CORO6: variants seen among roughly 807,000 people sequenced by gnomAD.
CORO6 encodes coronin 6.
Under a neutral mutation model 49.0 loss-of-function variants are expected in CORO6, and 43 were observed. The ratio of observed to expected loss-of-function variants is 0.88; its 90% CI spans 0.69 to 1.13. CORO6 has a LOEUF of 1.13. CORO6 is among the 50% of genes most tolerant of loss of function. The pLI is 0.00. For synonymous variants in CORO6, 233 were observed against 256.5 expected (o/e 0.91, Z 0.88); for missense variants, 650 against 647.0 (o/e 1.00, Z -0.05).
chr17:29,621,140 G>A lies in CORO6; in HGVS notation c.198+84C>T. On this transcript the variant is annotated intron_variant, in intron 2 of 10. Transcript: ENST00000388767. The surrounding 1 kb of genome is among the most constrained non-coding windows in gnomAD (Gnocchi z 4.2). ...AGATGCTTCTCCTGACTATGGAATG[G>A]AACTAGGTGAGAACAAAGGCTCAGG... is the stretch of plus-strand genomic sequence containing the variant. 5.9e-6 allele frequency: 9 copies of A among 1,526,630 alleles called. No individual in the cohort carries two copies. Among genetic ancestry groups the A allele is most frequent in the Non-Finnish European group, 7.2e-6 (8 of 1,116,748 alleles). 94.6% of individuals were successfully genotyped at this position (1,526,630 alleles called of 1,614,324 possible).
In CORO6 at chr17:29,621,827, G is replaced by A. The variant is rs995174226; in HGVS notation, c.-63-343C>T. On this transcript the variant is annotated intron_variant, in intron 1 of 10. Transcript: ENST00000388767. The surrounding 1 kb of genome is among the most constrained non-coding windows in gnomAD (Gnocchi z 4.2). ...CCTTGATGAGCATCTCTTCACGGACGTGGTTGTAGCTCCCAGAGGCACCCT... is the reference window on the plus strand; with the variant it reads ...CCTTGATGAGCATCTCTTCACGGACATGGTTGTAGCTCCCAGAGGCACCCT... 7 of 233,966 alleles carry A rather than the reference G, an allele frequency of 3.0e-5. No individual in the cohort carries two copies. In the South Asian group the frequency reaches 3.0e-4, roughly 10 times the overall value. 14.5% of individuals were successfully genotyped at this position (233,966 alleles called of 1,614,324 possible). A position where few individuals can be genotyped will look rare whatever the true frequency, so the allele number is the denominator to read the frequency against.
Position 29,619,045 on chromosome 17 carries a change from CCTT to C in CORO6, c.451+12_451+14del, listed in dbSNP as rs765608465. On this transcript the variant is annotated intron_variant, in intron 4 of 10. Coordinates refer to ENST00000388767, the MANE Select transcript of CORO6 (RefSeq NM_032854.4). ...ACCCACCCATCTATGGGGGACCCCT[CCTT>C]AGCCCCCAGACCTGCACTGAGCAGG... The C allele has an allele frequency of 4.0e-5, 64 of 1,611,974 alleles. No individual in the cohort carries two copies. Among genetic ancestry groups the C allele is most frequent in the East Asian group, 1.3e-4 (6 of 44,840 alleles).
intron 4 of CORO6, 28 bp downstream of exon 4, chr17:29,619,032 A>G (rs377380391): frequency 3.1e-6 from 5 of 1,612,090 alleles, no homozygotes; most frequent in Middle Eastern, 1.7e-4. Flanking sequence ...CCACCCATCT[A>G]TGGGGGACCC....
In CORO6 at chr17:29,621,167, G is replaced by A; in HGVS notation, c.198+57C>T. On this transcript the variant is annotated intron_variant, in intron 2 of 10. Transcript: ENST00000388767. The surrounding 1 kb of genome is among the most constrained non-coding windows in gnomAD (Gnocchi z 4.2). ...ACTAGGTGAGAACAAAGGCTCAGGAGTTCCCAGGGGCCCCAGCTAGTGTCC... is the reference window on the plus strand; with the variant it reads ...ACTAGGTGAGAACAAAGGCTCAGGAATTCCCAGGGGCCCCAGCTAGTGTCC... 6.2e-7 allele frequency: 1 copy of A among 1,604,710 alleles called. No individual in the cohort carries two copies. The highest frequency in any genetic ancestry group is 8.5e-7 in the Non-Finnish European group (1 of 1,174,938).
At position 29,616,219 on chromosome 17, in the gene CORO6, G is replaced by C. The variant is rs1395459077; in HGVS notation, c.1063-44C>G. On this transcript the variant is annotated intron_variant, in intron 9 of 10. Coordinates refer to ENST00000388767, the MANE Select transcript of CORO6 (RefSeq NM_032854.4). This position sits in a 1 kb window ranked among gnomAD's most constrained non-coding sequence, Gnocchi z 5.6. ...AGGAGGACTTGCGTGAGAGGGTGCG[G>C]GGCTTGCTCCGCTCCCTTCCGCCTC... 2 of 1,610,702 alleles carry C rather than the reference G, an allele frequency of 1.2e-6. No individual in the cohort carries two copies. The highest frequency in any genetic ancestry group is 2.2e-5 in the East Asian group (1 of 44,832).
At chr17:29,618,174 G>T (rs1364513451) in intron 5 of CORO6, 18 of 1,365,934 alleles carry the variant, frequency 1.3e-5, no homozygotes, top group Middle Eastern at 2.2e-4. Flanking sequence ...GCTCCTGCTC[G>T]CCGGGTTAGT....
rs771934319 is a variant in CORO6 at position 29,618,770 on chromosome 17, T to C, written c.633+20A>G. On this transcript the variant is annotated intron_variant, in intron 5 of 10. Coordinates refer to ENST00000388767, the MANE Select transcript of CORO6 (RefSeq NM_032854.4). ...CCACTGGTCAAGGGGTTCTGGGGAGTGGCCAGGCCAGGCACTCACCGCCAC... is the reference window on the plus strand; with the variant it reads ...CCACTGGTCAAGGGGTTCTGGGGAGCGGCCAGGCCAGGCACTCACCGCCAC... 1 of 1,610,562 alleles carries C rather than the reference T, an allele frequency of 6.2e-7. No individual in the cohort carries two copies. The highest frequency in any genetic ancestry group is 1.7e-5 in the Admixed American group (1 of 59,844).
intron 2 of CORO6, among the ~76,000 whole-genome samples, chr17:29,620,222 C>A (rs894683985): frequency 1.2e-4 from 18 of 152,240 alleles, no homozygotes; most frequent in African/African-American, 4.3e-4. Flanking sequence ...CCACTTTTAC[C>A]TTGGAACCAC....
chr17:29,616,412 G>T lies in CORO6; in HGVS notation c.1005-76C>A. The T allele has an allele frequency of 7.1e-7, 1 of 1,417,180 alleles. No individual in the cohort carries two copies. Among genetic ancestry groups the T allele is most frequent in the Non-Finnish European group, 9.7e-7 (1 of 1,034,872 alleles). 87.8% of individuals were successfully genotyped at this position (1,417,180 alleles called of 1,614,324 possible). On this transcript the variant is annotated intron_variant, in intron 8 of 10. Coordinates refer to ENST00000388767, the MANE Select transcript of CORO6 (RefSeq NM_032854.4). The surrounding 1 kb of genome is among the most constrained non-coding windows in gnomAD (Gnocchi z 5.6). ...TCTCCTGTCTAAGACCAAGGGGGTT[G>T]GAGGCCAACACTTGCTCAGCGCCTA...
intron 3 of CORO6, 133 bp from the exon 4 acceptor site, chr17:29,619,322 G>A (rs1177747565): frequency 1.8e-6 from 2 of 1,122,680 alleles, no homozygotes; most frequent in Non-Finnish European, 1.3e-6. Flanking sequence ...AAGATGTGGT[G>A]GTGCATGCCT....
In CORO6 at chr17:29,617,502, G is replaced by C; in HGVS notation, c.751C>G (p.Pro251Ala). The change falls in exon 6 of 11, where the codon CCG (proline) becomes GCG (alanine). Residue 251 changes from proline (P) to alanine (A), a missense_variant and splice_region_variant. Physicochemically the swap from Pro to Ala is conservative, Grantham distance 27. Transcript: ENST00000388767. ...MSQRELGLWD[P>A]NNFEEPVALQ... ...CCCCAAGCCTCCAGCTGCGTTACCG[G>C]GTCCCACAGGCCCAGCTCTCGCTGG... The C allele has an allele frequency of 6.2e-7, 1 of 1,608,188 alleles. No homozygotes were observed. The highest frequency in any genetic ancestry group is 8.5e-7 in the Non-Finnish European group (1 of 1,178,900).
rs768147951 is a variant in CORO6 at position 29,622,693 on chromosome 17, C to G, written c.-69G>C. On this transcript the variant is annotated 5_prime_UTR_variant, in exon 1 of 11. Coordinates refer to ENST00000388767, the MANE Select transcript of CORO6 (RefSeq NM_032854.4). ...GGGTGTGGGGGGCTGGGTACCTGGTCCTGAGCGGGCTGCGGGGCGCTCACG... is the reference window on the plus strand; with the variant it reads ...GGGTGTGGGGGGCTGGGTACCTGGTGCTGAGCGGGCTGCGGGGCGCTCACG... 4.1e-5 allele frequency: 52 copies of G among 1,261,270 alleles called. No homozygotes were observed. The highest frequency in any genetic ancestry group is 5.0e-5 in the Non-Finnish European group (48 of 969,256). 78.1% of individuals were successfully genotyped at this position (1,261,270 alleles called of 1,614,324 possible). A position where few individuals can be genotyped will look rare whatever the true frequency, so the allele number is the denominator to read the frequency against.
chr17:29,617,156 C>G lies in CORO6; in HGVS notation c.754-114G>C, dbSNP rs779383257. The G allele has an allele frequency of 4.0e-5, 63 of 1,562,754 alleles. No homozygotes were observed. The Middle Eastern group carries it at 1.8e-3, about 45-fold the overall frequency. On this transcript the variant is annotated intron_variant, in intron 6 of 10. Transcript: ENST00000388767. Reference sequence around the variant, plus strand: ...TTCCCAAACCCTATGCCCCAAACCTCTAGTGACCAGAGTTGCAGGCCCCTC... The same window carrying G: ...TTCCCAAACCCTATGCCCCAAACCTGTAGTGACCAGAGTTGCAGGCCCCTC...
chr17:29,616,628 GC>G lies in CORO6; in HGVS notation c.1004+73del. ...TCCAAAGCACTGCATTACTGGGGAA[GC>G]CCCGTGGCTAGGACCCGACATGAGT... On this transcript the variant is annotated intron_variant, in intron 8 of 10. Coordinates refer to ENST00000388767, the MANE Select transcript of CORO6 (RefSeq NM_032854.4). This position sits in a 1 kb window ranked among gnomAD's most constrained non-coding sequence, Gnocchi z 5.6. 6.4e-7 allele frequency: 1 copy of G among 1,569,878 alleles called. No homozygotes were observed.
In CORO6 at chr17:29,615,809, C is replaced by G. The variant is rs1486909592; in HGVS notation, c.1342G>C (p.Glu448Gln). 1.3e-6 allele frequency: 2 copies of G among 1,571,896 alleles called. No individual in the cohort carries two copies. Among genetic ancestry groups the G allele is most frequent in the Admixed American group, 1.9e-5 (1 of 53,550 alleles). ...CGCTGCTCCTGGGCCTGCACCCGCTCGCGGAGGGCCTTGATCTCTTCCAGC... is the reference window on the plus strand; with the variant it reads ...CGCTGCTCCTGGGCCTGCACCCGCTGGCGGAGGGCCTTGATCTCTTCCAGC... ...TLLEEIKALR[E>Q]RVQAQEQRIT... Residue 448 changes from glutamate to glutamine, a missense_variant, in exon 11 of 11, where the codon GAG (glutamate) becomes CAG (glutamine). Glu to Gln is a conservative substitution (Grantham distance 29). Transcript: ENST00000388767.
At chr17:29,617,148 C>T (rs2035001927) in intron 6 of CORO6, 106 bp from the exon 7 acceptor site, 2 of 1,570,798 alleles carry the variant, frequency 1.3e-6, no homozygotes, top group Non-Finnish European at 1.7e-6. Context: ...ACCCTATGCC[C>T]CAAACCTCTA....
intron 5 of CORO6, chr17:29,618,217 C>A: frequency 7.5e-7 from 1 of 1,325,176 alleles, no homozygotes; most frequent in Non-Finnish European, 9.6e-7. Context: ...GCCCCGACCG[C>A]TCTCGGCGCG....
In CORO6 at chr17:29,621,030, A is replaced by T. The variant is rs543132922; in HGVS notation, c.198+194T>A. ...GGTGGGAGGGCTAGGGAGTGGGAGTAAGCCACCCTGATGTTAGGGTGGGGT... is the reference window on the plus strand; with the variant it reads ...GGTGGGAGGGCTAGGGAGTGGGAGTTAGCCACCCTGATGTTAGGGTGGGGT... On this transcript the variant is annotated intron_variant, in intron 2 of 10. Coordinates refer to ENST00000388767, the MANE Select transcript of CORO6 (RefSeq NM_032854.4). This position sits in a 1 kb window ranked among gnomAD's most constrained non-coding sequence, Gnocchi z 4.2. 6.6e-6 allele frequency among the ~76,000 whole-genome samples: 1 copy of T among 152,084 alleles called. No homozygotes were observed. The highest frequency in any genetic ancestry group is 2.1e-4 in the South Asian group (1 of 4,812).
At position 29,615,759 on chromosome 17, in the gene CORO6, C is replaced by G; in HGVS notation, c.1392G>C (p.Leu464=). The G allele has an allele frequency of 6.4e-7, 1 of 1,550,434 alleles. No homozygotes were observed. The highest frequency in any genetic ancestry group is 8.7e-7 in the Non-Finnish European group (1 of 1,147,944). The change falls in exon 11 of 11, where the codon CTG becomes CTC. Residue 464 remains leucine, a synonymous_variant. Coordinates refer to ENST00000388767, the MANE Select transcript of CORO6 (RefSeq NM_032854.4). The part of the protein sequence containing the change: ...EQRITALENM[L]CELVDGTD ...AGTCCGTGCCGTCCACCAGCTCGCA[C>G]AGCATGTTCTCCAGAGCCGTGATGC...
Sources: allele counts gnomAD v4.1 joint callset (sites outside exome capture counted in the v4.1 genomes callset), GRCh38; gene constraint gnomAD v4.1.1; non-coding constraint Gnocchi (gnomAD v3.1); transcripts MANE v1.5; gene names NCBI Gene and HGNC (gene_info 2026-07-23, HGNC 2026-07-21).